Variants in CABIN1 observed in about 807,000 individuals in gnomAD.
The protein encoded by CABIN1 is calcineurin-binding protein cabin-1.
Under a neutral mutation model 227.7 loss-of-function variants are expected in CABIN1, and 133 were observed. That is an observed-to-expected ratio of 0.58 (90% CI 0.51 to 0.67). CABIN1 has a LOEUF of 0.67. Ranked by LOEUF, CABIN1 falls within the 30% of genes least tolerant of loss-of-function variation. The probability of loss-of-function intolerance (pLI) is 0.00; values close to 1 mark genes in which losing one functional copy is unlikely to be tolerated. For missense variants in CABIN1, 2,408 were observed against 2,852.5 expected (o/e 0.84, Z 3.55); for synonymous variants, 1,086 against 1,155.1 (o/e 0.94, Z 1.21).
chr22:24,092,261 A>C lies in CABIN1; in HGVS notation c.3786+418A>C, dbSNP rs2041596431. 2.0e-5 allele frequency among the ~76,000 whole-genome samples: 3 copies of C among 152,074 alleles called. No individual in the cohort carries two copies. The South Asian group carries it at 6.2e-4, about 31-fold the overall frequency. On this transcript the variant is annotated intron_variant, in intron 24 of 36. Transcript: ENST00000263119. ...AGCCCAGCCTGTGCCCAGGCTACCC[A>C]GGTTGGCAGGGGCTGAGCTAGGGTG...
At chr22:24,165,859 T>C (rs915498403) in intron 31 of CABIN1, among the ~76,000 whole-genome samples, 2 of 152,132 alleles carry the variant, frequency 1.3e-5, no homozygotes, top group South Asian at 2.1e-4. Context: ...GTAAGAGCCA[T>C]AGTGACTCCA....
At position 24,035,782 on chromosome 22, in the gene CABIN1, TCTA is replaced by T. The variant is rs1286434153; in HGVS notation, c.3+265_3+267del. ...ATCTGTTGTTCCATTACCTGGGTCT[TCTA>T]CTGTGTTGAGCTGTTGCTGGGGTGT... On this transcript the variant is annotated intron_variant, in intron 2 of 36. Transcript: ENST00000263119. Among the ~76,000 whole-genome samples, 5 of 152,250 alleles carry T rather than the reference TCTA, an allele frequency of 3.3e-5. No homozygotes were observed. The East Asian group carries it at 9.6e-4, about 29-fold the overall frequency.
intron 29 of CABIN1, among the ~76,000 whole-genome samples, chr22:24,142,739 G>C (rs1398148641): frequency 6.6e-6 from 1 of 152,220 alleles, no homozygotes; most frequent in Non-Finnish European, 1.5e-5. Context: ...CACCACTCCA[G>C]GCTGCAAGCA....
In CABIN1 at chr22:24,050,900, A is replaced by G; in HGVS notation, c.732A>G (p.Arg244=). The G allele has an allele frequency of 6.2e-7, 1 of 1,614,206 alleles. No individual in the cohort carries two copies. Among genetic ancestry groups the G allele is most frequent in the Non-Finnish European group, 8.5e-7 (1 of 1,180,032 alleles). ...QAIVDEALGL[R]KKRQALIVRE... The stretch of plus-strand genomic sequence containing the variant: ...TTGTAGATGAGGCCTTGGGGCTGCG[A>G]AAAAAGAGGCAAGCGCTGATTGTGC... The change falls in exon 8 of 37, where the codon CGA becomes CGG. Residue 244 remains arginine (R), a synonymous_variant. Transcript: ENST00000263119.
Position 24,109,455 on chromosome 22 carries a change from A to G in CABIN1, c.4118-4111A>G, listed in dbSNP as rs563638202. On this transcript the variant is annotated intron_variant, in intron 26 of 36. Transcript: ENST00000263119. ...GGTCTTGAACTGCTGGGCTCAAGCA[A>G]TCCTCCCTCCTTGGCCTCCCAAAGT... Among the ~76,000 whole-genome samples the G allele has an allele frequency of 8.6e-5, 13 of 151,642 alleles. No individual in the cohort carries two copies. In the South Asian group the frequency reaches 2.1e-3, roughly 24 times the overall value.
Position 24,051,003 on chromosome 22 carries a change from T to G in CABIN1, c.806+29T>G, listed in dbSNP as rs367670435. On this transcript the variant is annotated intron_variant, in intron 8 of 36. Transcript: ENST00000263119. ...GGTTGTCTAGCGTCTCTGGGAGTGC[T>G]GGGTCGGCCAGTAGGCCCTGTTGTG... 9 of 1,613,686 alleles carry G rather than the reference T, an allele frequency of 5.6e-6. No homozygotes were observed. The African/African-American group carries it at 1.2e-4, about 22-fold the overall frequency.
chr22:24,139,565 C>CA (rs71184948), intron 29 of CABIN1, among the ~76,000 whole-genome samples: 2,312 of 132,408 alleles, frequency 0.017, 63 homozygotes, highest in African/African-American at 0.056. Context: ...GACTCCGTGT[C>CA]AAAAAAAAAA....
At chr22:24,049,299 C>G (rs2038139903) in intron 7 of CABIN1, 79 bp downstream of exon 7, 4 of 1,544,182 alleles carry the variant, frequency 2.6e-6, no homozygotes, top group Admixed American at 1.7e-5. Context: ...CCACATTCTC[C>G]CCTCAGGTCC....
intron 33 of CABIN1, among the ~76,000 whole-genome samples, chr22:24,170,998 C>A (rs1234003531): frequency 6.6e-6 from 1 of 152,194 alleles, no homozygotes; most frequent in East Asian, 1.9e-4. Flanking sequence ...TCACACCTGT[C>A]CCAGGAGGGC....
chr22:24,159,590 C>T (rs2046033650), intron 29 of CABIN1, among the ~76,000 whole-genome samples: 1 of 152,198 alleles, frequency 6.6e-6, no homozygotes, highest in Admixed American at 6.5e-5. Flanking sequence ...ATTCTGTCTA[C>T]TCCCAAGTAT....
chr22:24,035,184 T>C (rs1408548702), intron 1 of CABIN1, among the ~76,000 whole-genome samples: 4 of 152,234 alleles, frequency 2.6e-5, no homozygotes, highest in South Asian at 2.1e-4. Context: ...TTACCTCTGC[T>C]AGCAGTGATC....
intron 16 of CABIN1, 132 bp downstream of exon 16, chr22:24,067,313 G>GC: frequency 1.1e-6 from 1 of 930,574 alleles, no homozygotes; most frequent in Non-Finnish European, 1.7e-6. Context: ...AAACCACTAA[G>GC]CCCCCAGGAA....
intron 26 of CABIN1, among the ~76,000 whole-genome samples, chr22:24,102,798 G>T (rs1448996027): frequency 3.3e-5 from 5 of 152,122 alleles, no homozygotes; most frequent in Non-Finnish European, 7.4e-5. Context: ...CTGACAGCAT[G>T]CACAGAGCCG....
At chr22:24,165,418 G>A (rs1478865722) in intron 30 of CABIN1, 112 bp from the exon 31 acceptor site, 1 of 987,470 alleles carries the variant, frequency 1.0e-6, no homozygotes, top group African/African-American at 1.6e-5. Context: ...GTGGAACACT[G>A]AGGAACAAAC....
chr22:24,076,187 T>C lies in CABIN1; in HGVS notation c.2651T>C (p.Met884Thr), dbSNP rs768511789. The change falls in exon 19 of 37, where the codon ATG becomes ACG. Residue 884 changes from methionine (M) to threonine (T), a missense_variant. Met to Thr is a moderately conservative substitution (Grantham distance 81). Coordinates refer to ENST00000263119, the MANE Select transcript of CABIN1 (RefSeq NM_012295.4). ...TCCCTAGGGATGTCAGAGACGCCCA[T>C]GCTCCCATCCTCCCTCATGCTGCTG... ...PAEEGMSETP[M>T]LPSSLMLLNT... 6.8e-6 allele frequency: 11 copies of C among 1,614,026 alleles called. No homozygotes were observed. The Admixed American group carries it at 1.5e-4, about 22-fold the overall frequency.
intron 18 of CABIN1, among the ~76,000 whole-genome samples, chr22:24,074,971 T>C (rs367861031): frequency 6.6e-6 from 1 of 152,256 alleles, no homozygotes; most frequent in East Asian, 1.9e-4. Flanking sequence ...GGCAGAAAGA[T>C]TACATGGGGC....
chr22:24,087,848 C>A, intron 23 of CABIN1, 135 bp downstream of exon 23: 1 of 1,184,654 alleles, frequency 8.4e-7, no homozygotes, highest in Non-Finnish European at 1.2e-6. Context: ...GACGAATCTC[C>A]CCATGAGGCT....
intron 31 of CABIN1, among the ~76,000 whole-genome samples, chr22:24,165,865 C>T (rs559082004): frequency 9.2e-5 from 14 of 152,360 alleles, no homozygotes; most frequent in Admixed American, 2.6e-4. Flanking sequence ...GCCATAGTGA[C>T]TCCATGAAAC....
Position 24,178,400 on chromosome 22 carries a change from G to A in CABIN1, c.*204G>A. 8.0e-6 allele frequency: 5 copies of A among 627,844 alleles called. No homozygotes were observed. Among genetic ancestry groups the A allele is most frequent in the Non-Finnish European group, 1.4e-5 (5 of 365,074 alleles). The allele number at this position is 627,844 out of a possible 1,614,324, so 38.9% of individuals were successfully genotyped here. A position where few individuals can be genotyped will look rare whatever the true frequency, so the allele number is the denominator to read the frequency against. On this transcript the variant is annotated 3_prime_UTR_variant, in exon 37 of 37. Transcript: ENST00000263119. ...ACCACATGGGAGCCCAGAGGAGGAGGGGCCCGCCTTAGCCATGTGAAGGTG... is the reference window on the plus strand; with the variant it reads ...ACCACATGGGAGCCCAGAGGAGGAGAGGCCCGCCTTAGCCATGTGAAGGTG...
Sources: allele counts gnomAD v4.1 joint callset (sites outside exome capture counted in the v4.1 genomes callset), GRCh38; gene constraint gnomAD v4.1.1; transcripts MANE v1.5; gene names NCBI Gene and HGNC (gene_info 2026-07-23, HGNC 2026-07-21).